The following RPTOR variants were observed in gnomAD, a reference collection of about 807,000 sequenced individuals.
RPTOR encodes the protein regulatory associated protein of MTOR complex 1.
Under a neutral mutation model 169.9 loss-of-function variants are expected in RPTOR, and 21 were observed. The observed-to-expected ratio is 0.12, with a 90% confidence interval of 0.09 to 0.18. The LOEUF (loss-of-function observed/expected upper bound fraction) is 0.18, where lower values mean the gene tolerates loss of function less well. Among genes scored for constraint, RPTOR ranks in the 10% least tolerant of loss-of-function variants. The pLI is 1.00. For missense variants in RPTOR, 1,133 were observed against 1,855.9 expected (o/e 0.61, Z 7.16); for synonymous variants, 732 against 753.2 (o/e 0.97, Z 0.46).
At chr17:80,816,749 C>G (rs976312058) in intron 7 of RPTOR, among the ~76,000 whole-genome samples, 2 of 152,186 alleles carry the variant, frequency 1.3e-5, no homozygotes, top group Admixed American at 6.5e-5. Flanking sequence ...AACCAGCTTT[C>G]GCATGGCAGG....
rs189970366 is a variant in RPTOR at position 80,637,456 on chromosome 17, C to G, written c.266-6272C>G. Among the ~76,000 whole-genome samples the G allele has an allele frequency of 3.6e-3, 548 of 152,342 alleles. 2 individuals are homozygous for G. Among genetic ancestry groups the G allele is most frequent in the African/African-American group, 0.012 (515 of 41,574 alleles). ...TCTTTTCCCACCCCTGCTCCGCCCC[C>G]CTCTGGATAATAAGTTGCTGTTCTA... On this transcript the variant is annotated intron_variant, in intron 2 of 33. Coordinates refer to ENST00000306801, the MANE Select transcript of RPTOR (RefSeq NM_020761.3).
rs574253297 is a variant in RPTOR, at chr17:80,965,791, C to T, written c.*1461C>T. 5.1e-5 allele frequency: 12 copies of T among 233,368 alleles called. No homozygotes were observed. The South Asian group carries it at 2.0e-3, about 39-fold the overall frequency. The allele number at this position is 233,368 out of a possible 1,614,324, so 14.5% of individuals were successfully genotyped here. A position where few individuals can be genotyped will look rare whatever the true frequency, so the allele number is the denominator to read the frequency against. On this transcript the variant is annotated 3_prime_UTR_variant, in exon 34 of 34. Coordinates refer to ENST00000306801, the MANE Select transcript of RPTOR (RefSeq NM_020761.3). ...GAGACTGAGCTGGGGCTGGCCGGGA[C>T]GTGACAAGGCAGGACAGAGGCGGCC...
intron 1 of RPTOR, among the ~76,000 whole-genome samples, chr17:80,551,670 C>G (rs1225008345): frequency 6.6e-6 from 1 of 152,118 alleles, no homozygotes; most frequent in Non-Finnish European, 1.5e-5. Context: ...TGCCCAGGGA[C>G]GGGCAGGAGA....
intron 2 of RPTOR, among the ~76,000 whole-genome samples, chr17:80,642,292 T>G (rs1225736033): frequency 1.3e-5 from 2 of 152,084 alleles, no homozygotes; most frequent in African/African-American, 2.4e-5. Context: ...GCCCAGCTAA[T>G]TTTTGTGTTT....
At chr17:80,576,729 G>A (rs1298159373) in intron 1 of RPTOR, among the ~76,000 whole-genome samples, 9 of 152,116 alleles carry the variant, frequency 5.9e-5, no homozygotes, top group Non-Finnish European at 1.2e-4. Context: ...TTTGAGACAG[G>A]GTCTCGCTCT....
intron 3 of RPTOR, among the ~76,000 whole-genome samples, chr17:80,670,092 G>A (rs1038408859): frequency 6.6e-6 from 1 of 152,188 alleles, no homozygotes; most frequent in Non-Finnish European, 1.5e-5. Context: ...TAAGGTGGTG[G>A]GGCTGGGACA....
At chr17:80,869,352 T>G (rs961482621) in intron 13 of RPTOR, among the ~76,000 whole-genome samples, 1 of 152,088 alleles carries the variant, frequency 6.6e-6, no homozygotes, top group Non-Finnish European at 1.5e-5. Flanking sequence ...TGGACGAGGT[T>G]TCCCATGTTG....
chr17:80,908,605 A>C (rs189749874), intron 20 of RPTOR, among the ~76,000 whole-genome samples: 49 of 152,298 alleles, frequency 3.2e-4, no homozygotes, highest in Admixed American at 2.9e-3. Flanking sequence ...CAGTAGATGA[A>C]TCCATGTGAT....
At chr17:80,889,857 G>A (rs1028148616) in intron 17 of RPTOR, among the ~76,000 whole-genome samples, 2 of 118,622 alleles carry the variant, frequency 1.7e-5, no homozygotes, top group Non-Finnish European at 3.7e-5. Flanking sequence ...GGAGGCCCCC[G>A]TATGCAGCAG....
At chr17:80,950,981 C>T (rs1402189624) in intron 28 of RPTOR, among the ~76,000 whole-genome samples, 10 of 152,354 alleles carry the variant, frequency 6.6e-5, no homozygotes, top group African/African-American at 2.2e-4. Flanking sequence ...ACTTCCCTCC[C>T]TGTCCAAGGC....
In RPTOR at chr17:80,778,904, G is replaced by A. The variant is rs910965954; in HGVS notation, c.831-12546G>A. Among the ~76,000 whole-genome samples, 8 of 152,334 alleles carry A rather than the reference G, an allele frequency of 5.3e-5. 1 individual carries two copies. The South Asian group carries it at 1.0e-3, about 20-fold the overall frequency. Reference sequence around the variant, plus strand: ...CACCTCATGTGCGGTGTCTGGCCGCGGCGCCTGCGAATGGGTTTTGCTCTT... The same window carrying A: ...CACCTCATGTGCGGTGTCTGGCCGCAGCGCCTGCGAATGGGTTTTGCTCTT... On this transcript the variant is annotated intron_variant, in intron 6 of 33. Coordinates refer to ENST00000306801, the MANE Select transcript of RPTOR (RefSeq NM_020761.3).
chr17:80,753,975 TCA>T, intron 5 of RPTOR, 33 bp from the exon 6 acceptor site: 3 of 1,586,712 alleles, frequency 1.9e-6, no homozygotes, highest in Non-Finnish European at 2.6e-6. Context: ...AGCAGCTAAA[TCA>T]CACTCTCTTT....
intron 9 of RPTOR, among the ~76,000 whole-genome samples, chr17:80,830,805 C>T (rs1344375376): frequency 1.3e-5 from 2 of 150,724 alleles, no homozygotes; most frequent in African/African-American, 2.4e-5. Context: ...GGCTGGAGTG[C>T]AGTGGTGTGA....
Position 80,754,041 on chromosome 17 carries a change from C to G in RPTOR, c.686C>G (p.Ala229Gly), listed in dbSNP as rs763731531. The G allele has an allele frequency of 4.3e-6, 7 of 1,614,168 alleles. No individual in the cohort carries two copies. In the South Asian group the frequency reaches 6.6e-5, roughly 15 times the overall value. ...VAAINPNHPL[A>G]QMPLPPSMKN... is the part of the protein sequence containing the mutation. Reference sequence around the variant, plus strand: ...GCAATCAACCCAAATCACCCTCTTGCTCAGATGCCTTTGCCTCCGTCGATG... The same window carrying G: ...GCAATCAACCCAAATCACCCTCTTGGTCAGATGCCTTTGCCTCCGTCGATG... Residue 229 changes from alanine (A) to glycine (G), a missense_variant, in exon 6 of 34, where the codon GCT becomes GGT. Coordinates refer to ENST00000306801, the MANE Select transcript of RPTOR (RefSeq NM_020761.3). This position sits in a 1 kb window ranked among gnomAD's most constrained non-coding sequence, Gnocchi z 4.2.
intron 28 of RPTOR, among the ~76,000 whole-genome samples, chr17:80,953,806 G>GCCCA (rs2069213103): frequency 6.6e-6 from 1 of 152,224 alleles, no homozygotes; most frequent in African/African-American, 2.4e-5. Flanking sequence ...GGCAGAAACG[G>GCCCA]GGAAGTATGT....
At chr17:80,951,527 C>T (rs999125663) in intron 28 of RPTOR, among the ~76,000 whole-genome samples, 1 of 152,218 alleles carries the variant, frequency 6.6e-6, no homozygotes, top group African/African-American at 2.4e-5. Context: ...AAGGCTGTGC[C>T]AGCTGTGGGC....
chr17:80,906,224 A>T (rs1485580603), intron 20 of RPTOR, among the ~76,000 whole-genome samples: 1 of 152,040 alleles, frequency 6.6e-6, no homozygotes, highest in Non-Finnish European at 1.5e-5. Context: ...AAAAAAAAAA[A>T]TGAGGACGCA....
intron 1 of RPTOR, among the ~76,000 whole-genome samples, chr17:80,615,126 G>A (rs35881344): frequency 0.085 from 12,907 of 152,158 alleles, 667 homozygotes; most frequent in East Asian, 0.22. Context: ...AAATAGAAAG[G>A]GGATTTGCCA....
chr17:80,841,240 C>T (rs2067648143), intron 10 of RPTOR, among the ~76,000 whole-genome samples: 3 of 109,184 alleles, frequency 2.7e-5, no homozygotes, highest in African/African-American at 3.9e-5. Context: ...TCTCACCGCA[C>T]GGCAGCTCAC....
Sources: gnomAD v4.1 joint callset for allele counts (sites outside exome capture counted in the v4.1 genomes callset) on GRCh38, gnomAD v4.1.1 for gene constraint, Gnocchi (gnomAD v3.1) non-coding constraint, MANE v1.5 for transcripts, NCBI Gene and HGNC (gene_info 2026-07-23, HGNC 2026-07-21) for gene names.